MTERF4: variants seen among roughly 807,000 people sequenced by gnomAD.
MTERF4 encodes the protein transcription termination factor 4, mitochondrial.
Under a neutral mutation model 22.5 loss-of-function variants are expected in MTERF4, and 17 were observed. The ratio of observed to expected loss-of-function variants is 0.75; its 90% confidence interval spans 0.52 to 1.13. MTERF4 has a LOEUF of 1.13. Among genes scored for constraint, MTERF4 ranks in the 50% most tolerant of loss-of-function variants. The pLI, the probability that MTERF4 is intolerant of heterozygous loss-of-function variation, is 0.00. For missense variants in MTERF4, 420 were observed against 466.8 expected, an observed-to-expected ratio of 0.90 and a Z score of 0.92; for synonymous variants, 165 against 175.3, an observed-to-expected ratio of 0.94 and a Z score of 0.47.
chr2:241,051,732 C>T, the MTERF4 span: 2 of 1,470,886 alleles, frequency 1.4e-6, no homozygotes, highest in Middle Eastern at 1.8e-4. This position sits in a 1 kb window ranked among gnomAD's most constrained non-coding sequence, Gnocchi z 4.7. Flanking sequence ...GCCTCTCTGT[C>T]CTTCCACACA....
At chr2:241,074,727 G>C (rs1270487073) in exon 5 of MTERF4, 1 of 152,214 alleles carries the variant, frequency 6.6e-6, no homozygotes, top group African/African-American at 2.4e-5. Context: ...AGCCAGTCAT[G>C]ATCTTTGGTT....
chr2:241,099,669 T>C lies in MTERF4; in HGVS notation c.247A>G (p.Thr83Ala). Residue 83 changes from threonine (T) to alanine (A), a missense_variant, in exon 2 of 4, where the codon ACT (threonine) becomes GCT (alanine). Transcript: ENST00000391980. ...TCCAAGGACCCTTGTACCACAGGAGTCCCCTGCTTCTCAAGGAGGCACTGA... is the reference window on the plus strand; with the variant it reads ...TCCAAGGACCCTTGTACCACAGGAGCCCCCTGCTTCTCAAGGAGGCACTGA... ...LVQCLLEKQG[T>A]PVVQGSLELE... The C allele has an allele frequency of 6.2e-7, 1 of 1,613,958 alleles. No homozygotes were observed. Among genetic ancestry groups the C allele is most frequent in the Non-Finnish European group, 8.5e-7 (1 of 1,179,976 alleles).
At chr2:241,072,928 G>A (rs746717643) in exon 5 of MTERF4, 4 of 357,870 alleles carry the variant, frequency 1.1e-5, no homozygotes, top group African/African-American at 4.1e-5. Flanking sequence ...GGGGTGGAAG[G>A]AGAGGAATGC....
chr2:241,072,826 G>T, exon 5 of MTERF4: 1 of 201,064 alleles, frequency 5.0e-6, no homozygotes, highest in South Asian at 1.1e-4. Context: ...TGCATAAGAA[G>T]TGATGCAGTT....
chr2:241,099,565 T>G lies in MTERF4; in HGVS notation c.351A>C (p.Arg117=). 1 of 1,614,194 alleles carries G rather than the reference T, an allele frequency of 6.2e-7. No individual in the cohort carries two copies. Among genetic ancestry groups the G allele is most frequent in the Middle Eastern group, 1.6e-4 (1 of 6,062 alleles). The change falls in exon 2 of 4, where the codon CGA becomes CGC. Residue 117 remains arginine (R), a synonymous_variant. Coordinates refer to ENST00000391980, the MANE Select transcript of MTERF4 (RefSeq NM_182501.4). ...CCAGCAACTGTTGAAGACTGGCACC[T>G]CGCCGTACACTGAGCAATTCATTAA... ...AHINELLSVR[R]GASLQQLLDI... is the part of the protein sequence containing the mutation.
At chr2:241,052,086 C>T in the MTERF4 span, 9 of 1,613,792 alleles carry the variant, frequency 5.6e-6, no homozygotes, top group Admixed American at 3.3e-5. Flanking sequence ...AACGGCGGCA[C>T]CTGCTTCCAC....
downstream of MTERF4, chr2:241,087,172 T>C (rs1188872615): frequency 2.1e-5 from 11 of 524,762 alleles, no homozygotes; most frequent in African/African-American, 3.9e-5. Flanking sequence ...AATGGGTTTA[T>C]TTTATGCATA....
downstream of MTERF4, chr2:241,068,030 A>AT: frequency 3.1e-6 from 4 of 1,295,946 alleles, no homozygotes; most frequent in Non-Finnish European, 3.2e-6. The surrounding 1 kb of genome is among the most constrained non-coding windows in gnomAD (Gnocchi z 5.3). Flanking sequence ...TCTCGGGCAC[A>AT]TTCTCCGTGT....
At chr2:241,087,408 C>T, downstream of MTERF4, 3 of 1,601,252 alleles carry the variant, frequency 1.9e-6, no homozygotes, top group Non-Finnish European at 2.6e-6. Flanking sequence ...AAGAGTCTAC[C>T]GAGTTCACCA....
chr2:241,068,465 G>A (rs777997496), downstream of MTERF4, among the ~76,000 whole-genome samples: 3 of 152,230 alleles, frequency 2.0e-5, no homozygotes, highest in Non-Finnish European at 2.9e-5. This position sits in a 1 kb window ranked among gnomAD's most constrained non-coding sequence, Gnocchi z 5.3. Flanking sequence ...CAGGGGTGCA[G>A]GAAAAGATCG....
downstream of MTERF4, chr2:241,067,836 A>G: frequency 6.2e-7 from 1 of 1,613,420 alleles, no homozygotes. Context: ...TGGGCCCTGC[A>G]CAGGATCCGC....
chr2:241,093,343 A>C (rs1322967007), downstream of MTERF4: 2 of 152,678 alleles, frequency 1.3e-5, no homozygotes, highest in African/African-American at 4.8e-5. Context: ...GCTAAGATCG[A>C]GTGATATCAC....
At chr2:241,063,322 G>A in the MTERF4 span, 8 of 531,716 alleles carry the variant, frequency 1.5e-5, no homozygotes, top group East Asian at 1.0e-4. Context: ...GTGCCCAGTC[G>A]TGGCCCTGGG....
chr2:241,052,679 GAGA>G, the MTERF4 span, among the ~76,000 whole-genome samples: 2 of 66,396 alleles, frequency 3.0e-5, no homozygotes, highest in Non-Finnish European at 2.8e-5. Context: ...CCAGGCAGGT[GAGA>G]GGGTCGGCGG....
At chr2:241,059,137 G>A in the MTERF4 span, among the ~76,000 whole-genome samples, 1 of 152,168 alleles carries the variant, frequency 6.6e-6, no homozygotes, top group Admixed American at 6.5e-5. Context: ...TTAGGCCAAT[G>A]TATCTGACAA....
the MTERF4 span, among the ~76,000 whole-genome samples, chr2:241,058,106 A>C: frequency 6.6e-6 from 1 of 152,222 alleles, no homozygotes; most frequent in Non-Finnish European, 1.5e-5. Flanking sequence ...GAAAGGAAAA[A>C]AATAGGTGTA....
downstream of MTERF4, chr2:241,068,021 C>A: frequency 7.3e-7 from 1 of 1,375,184 alleles, no homozygotes; most frequent in Non-Finnish European, 1.0e-6. This position sits in a 1 kb window ranked among gnomAD's most constrained non-coding sequence, Gnocchi z 5.3. Context: ...GGGCCCAGGT[C>A]TCGGGCACAT....
At chr2:241,060,565 T>C in the MTERF4 span, among the ~76,000 whole-genome samples, 2 of 152,222 alleles carry the variant, frequency 1.3e-5, no homozygotes, top group Non-Finnish European at 2.9e-5. Flanking sequence ...GTTTTGTACT[T>C]GGAAAAATAT....
At chr2:241,050,168 T>C in the MTERF4 span, 1 of 577,466 alleles carries the variant, frequency 1.7e-6, no homozygotes, top group Non-Finnish European at 3.1e-6. Flanking sequence ...CTTCTGAAAA[T>C]AGGCTTCATT....
Sources: allele counts gnomAD v4.1 joint callset (sites outside exome capture counted in the v4.1 genomes callset), GRCh38; gene constraint gnomAD v4.1.1; non-coding constraint Gnocchi (gnomAD v3.1); transcripts MANE v1.5; gene names NCBI Gene and HGNC (gene_info 2026-07-23, HGNC 2026-07-21).